TAFA5: variants seen among roughly 807,000 people sequenced by gnomAD.
TAFA5 encodes TAFA chemokine like family member 5, also known as chemokine-like protein TAFA-5.
In TAFA5, 6 loss-of-function variants were observed where a neutral mutation model predicts 15.3. The observed-to-expected ratio is 0.39, with a 90% CI of 0.21 to 0.77. The LOEUF is 0.77. TAFA5 is among the 30% of genes least tolerant of loss of function. The pLI, the probability that TAFA5 is intolerant of heterozygous loss-of-function variation, is 0.41. For synonymous variants in TAFA5, 103 were observed against 80.7 expected (o/e 1.28, Z -1.48); for missense variants, 161 against 193.1 (o/e 0.83, Z 0.98).
At chr22:48,562,718 C>T (rs1379947540) in intron 1 of TAFA5, among the ~76,000 whole-genome samples, 1 of 152,206 alleles carries the variant, frequency 6.6e-6, no homozygotes, top group African/African-American at 2.4e-5. Context: ...GCAGATGGGA[C>T]AGCCAGGCCC....
chr22:48,563,716 C>G (rs537590351), intron 1 of TAFA5, among the ~76,000 whole-genome samples: 1 of 152,252 alleles, frequency 6.6e-6, no homozygotes, highest in South Asian at 2.1e-4. Flanking sequence ...CTGCTACCAG[C>G]GAGCTGAGCA....
intron 1 of TAFA5, among the ~76,000 whole-genome samples, chr22:48,519,681 G>C (rs1467286310): frequency 6.6e-6 from 1 of 152,194 alleles, no homozygotes; most frequent in African/African-American, 2.4e-5. Flanking sequence ...GGCAAATCGC[G>C]TTCTTCTTGG....
intron 1 of TAFA5, among the ~76,000 whole-genome samples, chr22:48,597,236 A>C (rs1924797972): frequency 6.6e-6 from 1 of 152,126 alleles, no homozygotes; most frequent in Non-Finnish European, 1.5e-5. Context: ...CCCCAGGAAC[A>C]CCTGCTGCCC....
At chr22:48,591,854 G>A (rs749794746) in intron 1 of TAFA5, among the ~76,000 whole-genome samples, 8 of 152,154 alleles carry the variant, frequency 5.3e-5, no homozygotes, top group Non-Finnish European at 7.4e-5. Flanking sequence ...CCTCCCCCAC[G>A]GAGTCTCCCT....
intron 1 of TAFA5, among the ~76,000 whole-genome samples, chr22:48,582,706 A>G (rs1192581187): frequency 1.3e-5 from 2 of 150,174 alleles, no homozygotes; most frequent in African/African-American, 2.5e-5. Flanking sequence ...CACACACAAA[A>G]TACACCACAC....
intron 1 of TAFA5, among the ~76,000 whole-genome samples, chr22:48,590,319 G>A (rs562615442): frequency 2.0e-4 from 31 of 152,362 alleles, no homozygotes; most frequent in Admixed American, 1.8e-3. Context: ...GGCACGCACC[G>A]CTGTTGGCCT....
At chr22:48,562,029 G>C (rs936407151) in intron 1 of TAFA5, among the ~76,000 whole-genome samples, 10 of 152,212 alleles carry the variant, frequency 6.6e-5, no homozygotes, top group South Asian at 2.1e-4. Context: ...GGAACAGCCT[G>C]GCAGGCGGTG....
chr22:48,542,729 GTGTATAGTGA>G (rs1922501536), intron 1 of TAFA5, among the ~76,000 whole-genome samples: 1 of 149,586 alleles, frequency 6.7e-6, no homozygotes, highest in South Asian at 2.1e-4. Context: ...TGTGTGTGGT[GTGTATAGTGA>G]TATGTGTACT....
intron 1 of TAFA5, among the ~76,000 whole-genome samples, chr22:48,524,570 G>A (rs1418387102): frequency 6.6e-6 from 1 of 152,224 alleles, no homozygotes; most frequent in African/African-American, 2.4e-5. Context: ...AAACACTCGG[G>A]ATGGCTGGAA....
At chr22:48,639,023 C>T (rs999269698) in intron 1 of TAFA5, among the ~76,000 whole-genome samples, 29 of 152,164 alleles carry the variant, frequency 1.9e-4, no homozygotes, top group African/African-American at 4.3e-4. Flanking sequence ...GGCGGGACCC[C>T]GACACTAAGC....
chr22:48,579,091 T>G (rs1923931729), intron 1 of TAFA5, among the ~76,000 whole-genome samples: 1 of 151,574 alleles, frequency 6.6e-6, no homozygotes. Context: ...ACACTTCTCC[T>G]TTTGTGTGGA....
intron 1 of TAFA5, among the ~76,000 whole-genome samples, chr22:48,589,123 C>G (rs750313385): frequency 2.3e-4 from 35 of 152,220 alleles, no homozygotes; most frequent in Non-Finnish European, 4.1e-4. Context: ...ACAGTGACAA[C>G]TCCCTGCTCC....
intron 2 of TAFA5, among the ~76,000 whole-genome samples, chr22:48,687,636 C>T (rs1928405159): frequency 6.6e-6 from 1 of 152,140 alleles, no homozygotes; most frequent in Non-Finnish European, 1.5e-5. Context: ...GAGGCAGTGA[C>T]ATTCCACTTG....
At chr22:48,493,366 T>C (rs979344210) in intron 1 of TAFA5, among the ~76,000 whole-genome samples, 3 of 152,222 alleles carry the variant, frequency 2.0e-5, no homozygotes, top group African/African-American at 7.2e-5. Flanking sequence ...CATCTATAAC[T>C]ATGAGAAGAA....
At chr22:48,689,924 C>G (rs1262409078) in intron 2 of TAFA5, among the ~76,000 whole-genome samples, 4 of 152,172 alleles carry the variant, frequency 2.6e-5, no homozygotes, top group African/African-American at 9.7e-5. Context: ...AGGAGCCAGT[C>G]CCTCCAGGAT....
At chr22:48,713,156 A>G (rs1030448972) in intron 3 of TAFA5, among the ~76,000 whole-genome samples, 1 of 152,306 alleles carries the variant, frequency 6.6e-6, no homozygotes, top group East Asian at 1.9e-4. Context: ...ATGAAATCAC[A>G]GTTGTGGGGG....
intron 1 of TAFA5, among the ~76,000 whole-genome samples, chr22:48,519,699 G>A (rs1298365653): frequency 6.6e-6 from 1 of 152,158 alleles, no homozygotes. Flanking sequence ...TGGAGCCCTG[G>A]GCTCCTCACG....
rs531314986 is a variant in TAFA5 at position 48,522,658 on chromosome 22, C to G, written c.112+32954C>G. On this transcript the variant is annotated intron_variant, in intron 1 of 3. Coordinates refer to ENST00000402357, the MANE Select transcript of TAFA5 (RefSeq NM_001082967.3). ...ATCCGCCCCTGGGAGGAAGGCCATTCCCTTCACAGCCCAGGCCATGGGAGA... is the reference window on the plus strand; with the variant it reads ...ATCCGCCCCTGGGAGGAAGGCCATTGCCTTCACAGCCCAGGCCATGGGAGA... 2.9e-3 allele frequency among the ~76,000 whole-genome samples: 449 copies of G among 152,330 alleles called. 2 individuals are homozygous for G. Among genetic ancestry groups the G allele is most frequent in the African/African-American group, 0.01 (425 of 41,574 alleles).
chr22:48,751,416 T>C lies in TAFA5; in HGVS notation c.*1569T>C, dbSNP rs1340317201. On this transcript the variant is annotated 3_prime_UTR_variant, in exon 4 of 4. Coordinates refer to ENST00000402357, the MANE Select transcript of TAFA5 (RefSeq NM_001082967.3). Reference sequence around the variant, plus strand: ...CGTTCGCCAGCCTCCTTCATTTTCCTGAGTTCCCGCTGAAGTATATACTAC... The same window carrying C: ...CGTTCGCCAGCCTCCTTCATTTTCCCGAGTTCCCGCTGAAGTATATACTAC... 1 of 152,520 alleles carries C rather than the reference T, an allele frequency of 6.6e-6. No individual in the cohort carries two copies. Among genetic ancestry groups the C allele is most frequent in the Non-Finnish European group, 1.5e-5 (1 of 68,036 alleles). The allele number at this position is 152,520 out of a possible 1,614,324, so 9.4% of individuals were successfully genotyped here.
Sources: allele counts gnomAD v4.1 joint callset (sites outside exome capture counted in the v4.1 genomes callset), GRCh38; gene constraint gnomAD v4.1.1; transcripts MANE v1.5; gene names NCBI Gene and HGNC (gene_info 2026-07-23, HGNC 2026-07-21).